Variants in GLIS3 observed in about 807,000 individuals in gnomAD.
GLIS3 encodes zinc finger protein GLIS3.
A neutral mutation model predicts 78.6 loss-of-function variants in GLIS3; 53 were observed. The observed-to-expected ratio is 0.67, with a 90% CI of 0.54 to 0.85. The LOEUF is 0.85. Among genes scored for constraint, GLIS3 ranks in the 40% least tolerant of loss-of-function variants. The pLI, the probability that GLIS3 is intolerant of heterozygous loss-of-function variation, is 0.00. For synonymous variants in GLIS3, 684 were observed against 509.9 expected (o/e 1.34, Z -4.60); for missense variants, 1,703 against 1,231.1 (o/e 1.38, Z -5.74).
At chr9:4,475,808 A>C in the GLIS3 span, among the ~76,000 whole-genome samples, 1 of 152,244 alleles carries the variant, frequency 6.6e-6, no homozygotes, top group Non-Finnish European at 1.5e-5. Flanking sequence ...CCAAACACTA[A>C]TAGATAATTA....
At chr9:4,435,301 T>C in the GLIS3 span, among the ~76,000 whole-genome samples, 2 of 152,178 alleles carry the variant, frequency 1.3e-5, no homozygotes, top group Non-Finnish European at 2.9e-5. Flanking sequence ...GGGATTATAG[T>C]GTAGATTGAA....
intron 2 of GLIS3, among the ~76,000 whole-genome samples, chr9:4,190,633 C>T (rs1410388224): frequency 2.0e-5 from 3 of 151,764 alleles, no homozygotes; most frequent in Admixed American, 2.0e-4. Flanking sequence ...GGAGAACTTC[C>T]CCAATCTAGC....
intron 4 of GLIS3, among the ~76,000 whole-genome samples, chr9:3,958,706 C>T (rs144191173): frequency 0.043 from 6,479 of 152,270 alleles, 162 homozygotes; most frequent in Middle Eastern, 0.075. Context: ...GCCATGTAAA[C>T]AAACAAATGC....
At chr9:4,100,824 C>G (rs572472020) in intron 4 of GLIS3, among the ~76,000 whole-genome samples, 1 of 152,124 alleles carries the variant, frequency 6.6e-6, no homozygotes, top group African/African-American at 2.4e-5. Flanking sequence ...TTTAACTAAC[C>G]CTGGGGTAGA....
At chr9:4,441,795 C>T in the GLIS3 span, among the ~76,000 whole-genome samples, 15 of 151,972 alleles carry the variant, frequency 9.9e-5, 1 homozygote, top group African/African-American at 3.4e-4. Flanking sequence ...TTTGTAGAGA[C>T]GAGGTTTTGC....
chr9:4,432,111 G>A, the GLIS3 span, among the ~76,000 whole-genome samples: 1 of 152,152 alleles, frequency 6.6e-6, no homozygotes, highest in South Asian at 2.1e-4. Context: ...GAAAGGGAGA[G>A]CACCATGGAA....
chr9:4,467,323 A>C, the GLIS3 span, among the ~76,000 whole-genome samples: 4 of 152,236 alleles, frequency 2.6e-5, no homozygotes, highest in Admixed American at 6.5e-5. Context: ...GAGAACGGAC[A>C]GACTGCCTCC....
chr9:4,402,446 C>T, the GLIS3 span, among the ~76,000 whole-genome samples: 5 of 152,174 alleles, frequency 3.3e-5, no homozygotes, highest in African/African-American at 1.2e-4. Context: ...TCAACACCAT[C>T]CAGGAAAACA....
At chr9:4,220,849 G>C (rs115796563) in intron 2 of GLIS3, among the ~76,000 whole-genome samples, 8 of 152,088 alleles carry the variant, frequency 5.3e-5, no homozygotes, top group Admixed American at 5.2e-4. Context: ...ACCAGGCATG[G>C]AGGTATGGAC....
chr9:4,434,646 G>T, the GLIS3 span, among the ~76,000 whole-genome samples: 2 of 152,112 alleles, frequency 1.3e-5, no homozygotes, highest in Non-Finnish European at 2.9e-5. Flanking sequence ...CTTCTCTAGA[G>T]GTGTGTATTT....
chr9:3,861,728 T>G (rs1820226365), intron 8 of GLIS3, among the ~76,000 whole-genome samples: 1 of 152,092 alleles, frequency 6.6e-6, no homozygotes, highest in Non-Finnish European at 1.5e-5. Flanking sequence ...AAGTGGGAGC[T>G]GAACAATGAG....
intron 2 of GLIS3, among the ~76,000 whole-genome samples, chr9:4,188,071 T>A (rs1393518936): frequency 6.6e-6 from 1 of 152,038 alleles, no homozygotes; most frequent in Non-Finnish European, 1.5e-5. Context: ...CCCTGTCTTG[T>A]GCCAGTTTTC....
the GLIS3 span, among the ~76,000 whole-genome samples, chr9:4,431,954 G>T: frequency 6.6e-6 from 1 of 152,044 alleles, no homozygotes; most frequent in Non-Finnish European, 1.5e-5. Context: ...GTAGCCATAG[G>T]CAATATGTAC....
chr9:3,843,118 T>C (rs1184179095), intron 9 of GLIS3, among the ~76,000 whole-genome samples: 1 of 152,248 alleles, frequency 6.6e-6, no homozygotes, highest in African/African-American at 2.4e-5. Context: ...TTGTTCTCAC[T>C]GTTGGTCCCA....
intron 2 of GLIS3, among the ~76,000 whole-genome samples, chr9:4,254,922 G>C (rs1335279485): frequency 1.3e-5 from 2 of 151,684 alleles, no homozygotes; most frequent in Non-Finnish European, 2.9e-5. Context: ...CACAGACTAA[G>C]AGAAAATATT....
chr9:4,390,622 G>T, the GLIS3 span, among the ~76,000 whole-genome samples: 1 of 152,122 alleles, frequency 6.6e-6, no homozygotes, highest in Non-Finnish European at 1.5e-5. Context: ...AGATATCTGT[G>T]GTGACCCTCT....
At chr9:4,046,547 C>T (rs1181127303) in intron 4 of GLIS3, among the ~76,000 whole-genome samples, 2 of 152,112 alleles carry the variant, frequency 1.3e-5, no homozygotes, top group Non-Finnish European at 2.9e-5. Context: ...AAAGGTGGGG[C>T]CAGCAATCAA....
chr9:3,851,508 T>C (rs1289503170), intron 9 of GLIS3, among the ~76,000 whole-genome samples: 1 of 152,184 alleles, frequency 6.6e-6, no homozygotes, highest in Non-Finnish European at 1.5e-5. Context: ...TCAACAAACC[T>C]GAGCTCTGGT....
intron 9 of GLIS3, among the ~76,000 whole-genome samples, chr9:3,845,003 C>T (rs923194101): frequency 6.6e-6 from 1 of 152,096 alleles, no homozygotes. Context: ...TTAAAATGTG[C>T]AACTCAGTAA....
Sources: gnomAD v4.1 joint callset for allele counts (sites outside exome capture counted in the v4.1 genomes callset) on GRCh38, gnomAD v4.1.1 for gene constraint, MANE v1.5 for transcripts, NCBI Gene and HGNC (gene_info 2026-07-23, HGNC 2026-07-21) for gene names.